The following TUSC3 variants were observed in gnomAD, a reference collection of about 807,000 sequenced individuals.
The protein encoded by TUSC3 is dolichyl-diphosphooligosaccharide--protein glycosyltransferase subunit TUSC3.
In TUSC3, 45 loss-of-function variants were observed where a neutral mutation model predicts 44.8. The observed-to-expected ratio is 1.00, with a 90% confidence interval of 0.79 to 1.29. The LOEUF (loss-of-function observed/expected upper bound fraction) is 1.29. TUSC3 is among the 50% of genes most tolerant of loss of function. The probability of loss-of-function intolerance (pLI) is 0.00; values close to 1 mark genes in which losing one functional copy is unlikely to be tolerated. For missense variants in TUSC3, 519 were observed against 437.9 expected (o/e 1.19, Z -1.65); for synonymous variants, 212 against 152.9 (o/e 1.39, Z -2.85).
intron 2 of TUSC3, among the ~76,000 whole-genome samples, chr8:15,510,847 A>C (rs1801124198): frequency 1.3e-5 from 2 of 152,218 alleles, no homozygotes. Flanking sequence ...TAGCAAATTT[A>C]ATTTAACAGT....
intron 1 of TUSC3, among the ~76,000 whole-genome samples, chr8:15,436,957 T>A (rs1162972580): frequency 6.6e-6 from 1 of 152,208 alleles, no homozygotes; most frequent in East Asian, 1.9e-4. Flanking sequence ...CAAATTAGAA[T>A]TTATAGCGAT....
chr8:15,500,127 T>C (rs1337250498), intron 2 of TUSC3, among the ~76,000 whole-genome samples: 1 of 152,290 alleles, frequency 6.6e-6, no homozygotes, highest in Admixed American at 6.5e-5. Context: ...GTTGCCAACA[T>C]TGACAAAGCA....
intron 2 of TUSC3, among the ~76,000 whole-genome samples, chr8:15,490,388 A>G (rs1020784196): frequency 4.6e-5 from 7 of 152,176 alleles, no homozygotes; most frequent in South Asian, 4.2e-4. Context: ...GAGGAGAAAC[A>G]CCCTAACTTT....
intron 1 of TUSC3, among the ~76,000 whole-genome samples, chr8:15,479,185 C>G (rs1039952206): frequency 6.6e-6 from 1 of 151,930 alleles, no homozygotes; most frequent in Non-Finnish European, 1.5e-5. Context: ...GGGTATTAGA[C>G]CTTTGTCAGA....
chr8:15,730,827 G>C (rs1451997820), intron 7 of TUSC3, 98 bp downstream of exon 7: 1 of 1,199,658 alleles, frequency 8.3e-7, no homozygotes. Flanking sequence ...AGACTTTTAA[G>C]AGACATTAAA....
chr8:15,453,351 A>G (rs555552470), intron 1 of TUSC3, among the ~76,000 whole-genome samples: 2 of 152,206 alleles, frequency 1.3e-5, no homozygotes, highest in Non-Finnish European at 2.9e-5. Context: ...TACTTATTCA[A>G]TGTTCATTTA....
At chr8:15,692,357 A>ACCCCCCCCCC (rs57593991) in intron 6 of TUSC3, among the ~76,000 whole-genome samples, 2 of 88,132 alleles carry the variant, frequency 2.3e-5, no homozygotes, top group African/African-American at 8.4e-5. Context: ...TTGGGAGGAG[A>ACCCCCCCCCC]CCCCCCCCCC....
the TUSC3 span, among the ~76,000 whole-genome samples, chr8:15,773,361 T>C: frequency 6.6e-6 from 1 of 152,148 alleles, no homozygotes; most frequent in African/African-American, 2.4e-5. Flanking sequence ...GACAATTTCA[T>C]TTATAATAGA....
At chr8:15,639,176 C>T (rs1011351527) in intron 2 of TUSC3, among the ~76,000 whole-genome samples, 3 of 150,516 alleles carry the variant, frequency 2.0e-5, no homozygotes, top group East Asian at 2.0e-4. Flanking sequence ...TGCTAGATCA[C>T]GTGATGTTCA....
intron 1 of TUSC3, among the ~76,000 whole-genome samples, chr8:15,546,032 G>A (rs1449232951): frequency 1.3e-5 from 2 of 151,772 alleles, no homozygotes; most frequent in African/African-American, 4.8e-5. Context: ...TTAAGTGTAG[G>A]AATAATGTGT....
At chr8:15,672,604 A>G (rs1807998485) in intron 5 of TUSC3, among the ~76,000 whole-genome samples, 1 of 152,086 alleles carries the variant, frequency 6.6e-6, no homozygotes, top group Non-Finnish European at 1.5e-5. Flanking sequence ...TACTTTAAAC[A>G]TACCAGTGGT....
chr8:15,689,538 C>A (rs1808800677), intron 6 of TUSC3: 1 of 169,212 alleles, frequency 5.9e-6, no homozygotes, highest in South Asian at 1.2e-4. Context: ...AGCAGGGACA[C>A]CGAAGGGATG....
chr8:15,571,262 T>A (rs1802867543), intron 1 of TUSC3, among the ~76,000 whole-genome samples: 1 of 151,840 alleles, frequency 6.6e-6, no homozygotes, highest in South Asian at 2.1e-4. Flanking sequence ...CCGCTATTAA[T>A]TTTTTTTAAT....
At chr8:15,679,020 G>A (rs1808303591) in intron 6 of TUSC3, among the ~76,000 whole-genome samples, 1 of 152,142 alleles carries the variant, frequency 6.6e-6, no homozygotes, top group South Asian at 2.1e-4. Flanking sequence ...TGAGCACCTA[G>A]GTTGATTTAA....
intron 1 of TUSC3, among the ~76,000 whole-genome samples, chr8:15,442,861 G>C (rs967792095): frequency 6.6e-6 from 1 of 152,122 alleles, no homozygotes; most frequent in Non-Finnish European, 1.5e-5. Flanking sequence ...ATGGAGCCCA[G>C]TTGTAGACAA....
intron 2 of TUSC3, among the ~76,000 whole-genome samples, chr8:15,514,538 C>G (rs1053446315): frequency 4.6e-5 from 7 of 152,112 alleles, no homozygotes; most frequent in African/African-American, 1.7e-4. Flanking sequence ...ATGCTGAAAA[C>G]GGAACTCCGC....
At chr8:15,767,339 G>C (rs944430576), downstream of TUSC3, among the ~76,000 whole-genome samples, 2 of 151,446 alleles carry the variant, frequency 1.3e-5, no homozygotes, top group Non-Finnish European at 2.9e-5. Flanking sequence ...CCCAAATGTG[G>C]ATACATCTAT....
At chr8:15,514,051 G>A (rs77813100) in intron 2 of TUSC3, among the ~76,000 whole-genome samples, 4 of 152,182 alleles carry the variant, frequency 2.6e-5, no homozygotes, top group East Asian at 3.9e-4. Context: ...TCCTAGGAAC[G>A]TCAAGGTCCC....
At chr8:15,733,253 G>C in intron 7 of TUSC3, 1 of 288,882 alleles carries the variant, frequency 3.5e-6, no homozygotes, top group Non-Finnish European at 6.7e-6. Context: ...TATTCAGGAA[G>C]CAAAACATGT....
Sources: gnomAD v4.1 joint callset for allele counts (sites outside exome capture counted in the v4.1 genomes callset) on GRCh38, gnomAD v4.1.1 for gene constraint, MANE v1.5 for transcripts, NCBI Gene and HGNC (gene_info 2026-07-23, HGNC 2026-07-21) for gene names.